Variants in TEX9 observed in about 807,000 individuals in gnomAD.
The protein encoded by TEX9 is testis-expressed protein 9.
Under a neutral mutation model 59.6 loss-of-function variants are expected in TEX9, and 74 were observed. That is an observed-to-expected ratio of 1.24 (90% CI 1.03 to 1.51). The LOEUF (loss-of-function observed/expected upper bound fraction) is 1.51. TEX9 is among the 40% of genes most tolerant of loss of function. The pLI is 0.00. For missense variants in TEX9, 522 were observed against 447.8 expected, an observed-to-expected ratio of 1.17 and a Z score of -1.49; for synonymous variants, 186 against 152.2, an observed-to-expected ratio of 1.22 and a Z score of -1.64.
chr15:56,337,054 T>C (rs2046270838), intron 1 of TEX9, among the ~76,000 whole-genome samples: 1 of 152,210 alleles, frequency 6.6e-6, no homozygotes, highest in Admixed American at 6.5e-5. Context: ...CATGTAATAG[T>C]TATTTCGCAT....
chr15:56,249,453 G>T (rs1339751132), intron 1 of TEX9, among the ~76,000 whole-genome samples: 1 of 151,368 alleles, frequency 6.6e-6, no homozygotes, highest in Non-Finnish European at 1.5e-5. Context: ...GAGAGAGAGA[G>T]GGAGGGAGGG....
chr15:56,311,301 A>C (rs1286335938), intron 1 of TEX9, among the ~76,000 whole-genome samples: 31 of 67,236 alleles, frequency 4.6e-4, no homozygotes, highest in Admixed American at 8.7e-4. Flanking sequence ...CCCTCCCCCC[A>C]CCCCACAACA....
intron 1 of TEX9, among the ~76,000 whole-genome samples, chr15:56,317,926 C>G (rs768457072): frequency 3.3e-5 from 5 of 152,050 alleles, no homozygotes; most frequent in Admixed American, 6.6e-5. Flanking sequence ...TGGAAAATAT[C>G]TCATGGGCAC....
chr15:56,447,031 T>A (rs2050910299), downstream of TEX9: 1 of 877,924 alleles, frequency 1.1e-6, no homozygotes. Flanking sequence ...TATTTTTAAT[T>A]TACTCAAAGA....
chr15:56,275,778 G>A (rs2044653254), intron 1 of TEX9, among the ~76,000 whole-genome samples: 1 of 151,724 alleles, frequency 6.6e-6, no homozygotes, highest in Non-Finnish European at 1.5e-5. Flanking sequence ...ATTCCTTCAT[G>A]TACTACTGTG....
At chr15:56,376,965 G>C (rs756051163) in intron 3 of TEX9, among the ~76,000 whole-genome samples, 23 of 152,098 alleles carry the variant, frequency 1.5e-4, no homozygotes, top group Non-Finnish European at 2.8e-4. Context: ...TTCTTCTTCT[G>C]CATGTGGATA....
chr15:56,386,170 G>C (rs941946697), intron 4 of TEX9, among the ~76,000 whole-genome samples: 1 of 151,990 alleles, frequency 6.6e-6, no homozygotes, highest in African/African-American at 2.4e-5. Flanking sequence ...AGTGAAAGAA[G>C]CCAGGCTAAA....
intron 9 of TEX9, among the ~76,000 whole-genome samples, chr15:56,404,071 G>C (rs563171006): frequency 2.0e-4 from 31 of 152,206 alleles, no homozygotes; most frequent in African/African-American, 7.5e-4. Context: ...CATAGGCATG[G>C]GCAAGGACAC....
intron 1 of TEX9, among the ~76,000 whole-genome samples, chr15:56,328,400 G>A (rs2046070845): frequency 6.6e-6 from 1 of 152,020 alleles, no homozygotes. Flanking sequence ...GGTGACTATG[G>A]TGATAAAGTA....
the TEX9 span, among the ~76,000 whole-genome samples, chr15:56,452,678 C>G: frequency 6.6e-6 from 1 of 151,928 alleles, no homozygotes; most frequent in African/African-American, 2.4e-5. Context: ...GCCACCAGGC[C>G]CGGCTAATTT....
chr15:56,369,157 C>T (rs2047076071), intron 2 of TEX9, among the ~76,000 whole-genome samples: 1 of 152,068 alleles, frequency 6.6e-6, no homozygotes, highest in Non-Finnish European at 1.5e-5. Context: ...TTTGCAAGCA[C>T]ATAGGGTTGT....
intron 4 of TEX9, among the ~76,000 whole-genome samples, chr15:56,385,804 G>A (rs1458259305): frequency 6.6e-6 from 1 of 152,042 alleles, no homozygotes; most frequent in Non-Finnish European, 1.5e-5. Context: ...GGCTATAAGA[G>A]GTGCATAGCC....
At chr15:56,356,851 A>ATGG (rs1197093968) in intron 1 of TEX9, among the ~76,000 whole-genome samples, 1 of 152,072 alleles carries the variant, frequency 6.6e-6, no homozygotes, top group Non-Finnish European at 1.5e-5. Context: ...TTGGCATCAC[A>ATGG]TGGTGGTGGT....
chr15:56,332,549 G>A (rs1216324430), intron 1 of TEX9, among the ~76,000 whole-genome samples: 3 of 151,738 alleles, frequency 2.0e-5, no homozygotes, highest in African/African-American at 7.3e-5. Flanking sequence ...CAGCGCACCA[G>A]CATGGCTCAT....
chr15:56,367,869 G>A (rs369549996), intron 2 of TEX9, among the ~76,000 whole-genome samples: 3 of 152,070 alleles, frequency 2.0e-5, no homozygotes, highest in South Asian at 2.1e-4. Flanking sequence ...CTACATCTGC[G>A]TTTATATACA....
chr15:56,268,449 T>A (rs1354968472), intron 1 of TEX9, among the ~76,000 whole-genome samples: 1 of 152,212 alleles, frequency 6.6e-6, no homozygotes, highest in Non-Finnish European at 1.5e-5. Flanking sequence ...CAGTATGATA[T>A]TGGCTGTGGG....
chr15:56,453,943 T>C, the TEX9 span, among the ~76,000 whole-genome samples: 2 of 152,252 alleles, frequency 1.3e-5, no homozygotes, highest in East Asian at 3.9e-4. Flanking sequence ...TTAAATAAAT[T>C]AGGACACATT....
exon 1 of TEX9, chr15:56,244,229 T>A (rs2043780327): frequency 1.3e-5 from 2 of 152,078 alleles, no homozygotes; most frequent in East Asian, 3.9e-4. Flanking sequence ...CCCCTGCACA[T>A]GCATGTGAGG....
chr15:56,384,084 G>A (rs143993644), intron 4 of TEX9, 53 bp downstream of exon 4: 65 of 1,371,572 alleles, frequency 4.7e-5, no homozygotes, highest in African/African-American at 1.2e-4. Context: ...TACATGGATC[G>A]TTATGTAAGA....
Sources: allele counts gnomAD v4.1 joint callset (sites outside exome capture counted in the v4.1 genomes callset), GRCh38; gene constraint gnomAD v4.1.1; transcripts MANE v1.5; gene names NCBI Gene and HGNC (gene_info 2026-07-23, HGNC 2026-07-21).